SPON1: variants seen among roughly 807,000 people sequenced by gnomAD.
SPON1 encodes spondin 1.
Under a neutral mutation model 111.7 loss-of-function variants are expected in SPON1, and 52 were observed. The ratio of observed to expected loss-of-function variants is 0.47; its 90% confidence interval spans 0.37 to 0.59. The LOEUF is 0.59. Ranked by LOEUF, SPON1 falls within the 20% of genes least tolerant of loss-of-function variation. SPON1 has a pLI of 0.00. For synonymous variants in SPON1, 410 were observed against 395.8 expected (o/e 1.04, Z -0.43); for missense variants, 957 against 1,068.5 (o/e 0.90, Z 1.46).
In SPON1 at chr11:14,132,787, T is replaced by C. The variant is rs374036929; in HGVS notation, c.677-2633T>C. On this transcript the variant is annotated intron_variant, in intron 5 of 15. Transcript: ENST00000576479. ...TCTTATACTGAATTAAAGGCAAGTT[T>C]CATGTTTTACTCAGTTTTGTAGCCT... Among the ~76,000 whole-genome samples the C allele has an allele frequency of 7.2e-5, 11 of 152,372 alleles. No individual in the cohort carries two copies. The South Asian group carries it at 8.3e-4, about 11-fold the overall frequency.
intron 6 of SPON1, among the ~76,000 whole-genome samples, chr11:14,190,875 A>G (rs923121253): frequency 6.6e-6 from 1 of 151,838 alleles, no homozygotes; most frequent in African/African-American, 2.4e-5. Context: ...TCCTGACCTC[A>G]TGATCTACCC....
chr11:14,090,166 G>A (rs553651013), intron 5 of SPON1, among the ~76,000 whole-genome samples: 1 of 139,274 alleles, frequency 7.2e-6, no homozygotes, highest in East Asian at 2.2e-4. Context: ...GAACAGTTCT[G>A]TCTTGCTGGA....
chr11:14,170,268 G>T (rs1218962179), intron 6 of SPON1, among the ~76,000 whole-genome samples: 31 of 152,110 alleles, frequency 2.0e-4, no homozygotes, highest in Non-Finnish European at 3.1e-4. Flanking sequence ...TTGTGAATGG[G>T]AGTTCACTCA....
At chr11:14,091,703 AC>A (rs1397018459) in intron 5 of SPON1, among the ~76,000 whole-genome samples, 2 of 151,750 alleles carry the variant, frequency 1.3e-5, no homozygotes, top group African/African-American at 4.8e-5. Flanking sequence ...TCTCGCTCGC[AC>A]CTTTCCCTCC....
At chr11:13,991,473 A>G (rs80240847) in intron 2 of SPON1, among the ~76,000 whole-genome samples, 1 of 152,122 alleles carries the variant, frequency 6.6e-6, no homozygotes, top group Non-Finnish European at 1.5e-5. Flanking sequence ...TCAGCAATTC[A>G]TCTAACCTTT....
intron 2 of SPON1, among the ~76,000 whole-genome samples, chr11:14,031,199 G>A (rs782256406): frequency 1.3e-5 from 2 of 152,140 alleles, no homozygotes; most frequent in Admixed American, 6.5e-5. Flanking sequence ...AGGGGCTACC[G>A]GAGCAGGAAG....
At chr11:14,084,924 TTTG>T (rs2133834802) in intron 5 of SPON1, among the ~76,000 whole-genome samples, 1 of 152,340 alleles carries the variant, frequency 6.6e-6, no homozygotes, top group African/African-American at 2.4e-5. Flanking sequence ...TTTTCATATG[TTTG>T]TTGGCCACAT....
At chr11:14,030,715 G>C (rs567249866) in intron 2 of SPON1, among the ~76,000 whole-genome samples, 1 of 152,218 alleles carries the variant, frequency 6.6e-6, no homozygotes, top group Non-Finnish European at 1.5e-5. Context: ...ACAGATGCTA[G>C]CAAGGCTGCG....
chr11:14,260,372 G>C lies in SPON1; in HGVS notation c.1832-216G>C, dbSNP rs1267573651. Among the ~76,000 whole-genome samples, 7 of 152,090 alleles carry C rather than the reference G, an allele frequency of 4.6e-5. 1 individual carries two copies. Among genetic ancestry groups the C allele is most frequent in the Non-Finnish European group, 7.4e-5 (5 of 68,026 alleles). ...CCCTCATGTCATAACCATCGGGGGG[G>C]GTCAGCAGGGAGATGAAAGAGAGTG... On this transcript the variant is annotated intron_variant, in intron 13 of 15. Transcript: ENST00000576479.
chr11:14,041,749 A>G, intron 3 of SPON1, 95 bp downstream of exon 3: 2 of 1,427,408 alleles, frequency 1.4e-6, no homozygotes, highest in South Asian at 1.3e-5. Context: ...AGCATCAGAA[A>G]GTTGCATCAT....
intron 5 of SPON1, among the ~76,000 whole-genome samples, chr11:14,081,736 G>T (rs1459890094): frequency 6.6e-6 from 1 of 152,112 alleles, no homozygotes; most frequent in African/African-American, 2.4e-5. Flanking sequence ...ATTTGGCTCA[G>T]GTCCCAAAGG....
intron 3 of SPON1, among the ~76,000 whole-genome samples, chr11:14,044,388 G>T (rs782251787): frequency 6.6e-6 from 1 of 152,182 alleles, no homozygotes; most frequent in African/African-American, 2.4e-5. Context: ...GAGGCAAGCA[G>T]ATCACTTGAG....
intron 2 of SPON1, among the ~76,000 whole-genome samples, chr11:14,006,260 A>T (rs1330325033): frequency 6.6e-6 from 1 of 152,154 alleles, no homozygotes; most frequent in African/African-American, 2.4e-5. Flanking sequence ...TATGGGCTTT[A>T]TCCTTTTAGT....
At chr11:14,197,959 G>A (rs375534299) in intron 6 of SPON1, among the ~76,000 whole-genome samples, 1 of 152,100 alleles carries the variant, frequency 6.6e-6, no homozygotes, top group East Asian at 1.9e-4. Flanking sequence ...CCTTTTCATT[G>A]GATTTAATTT....
chr11:14,196,717 C>T (rs1227435493), intron 6 of SPON1, among the ~76,000 whole-genome samples: 1 of 152,128 alleles, frequency 6.6e-6, no homozygotes, highest in Non-Finnish European at 1.5e-5. Context: ...TAAACACTAA[C>T]CTGCCTCTTC....
intron 1 of SPON1, among the ~76,000 whole-genome samples, chr11:13,964,146 G>T (rs1847997549): frequency 6.6e-6 from 1 of 152,222 alleles, no homozygotes; most frequent in Non-Finnish European, 1.5e-5. Context: ...CATCTCCCCA[G>T]ACATCGTTTC....
intron 5 of SPON1, among the ~76,000 whole-genome samples, chr11:14,125,867 G>A (rs1554926950): frequency 2.6e-5 from 4 of 152,168 alleles, no homozygotes; most frequent in East Asian, 1.9e-4. Context: ...GAGTCCTAGG[G>A]GAACCAATGG....
rs374933906 is a variant in SPON1 at position 14,167,628 on chromosome 11, TTA to T, written c.825+32064_825+32065del. On this transcript the variant is annotated intron_variant, in intron 6 of 15. Coordinates refer to ENST00000576479, the MANE Select transcript of SPON1 (RefSeq NM_006108.4). ...TAAAGCTAGTTATTTAAATAAAATTTTATATTTCTATCCAGTTTTAATTAATT... is the reference window on the plus strand; with the variant it reads ...TAAAGCTAGTTATTTAAATAAAATTTTATTTCTATCCAGTTTTAATTAATT... Among the ~76,000 whole-genome samples the T allele has an allele frequency of 2.5e-4, 38 of 152,278 alleles. No homozygotes were observed. The South Asian group carries it at 4.3e-3, about 17-fold the overall frequency.
At chr11:14,004,154 G>GACAC (rs150297092) in intron 2 of SPON1, among the ~76,000 whole-genome samples, 2 of 151,056 alleles carry the variant, frequency 1.3e-5, no homozygotes, top group African/African-American at 2.4e-5. Flanking sequence ...TACACACACA[G>GACAC]ACACACACAC....
Sources: gnomAD v4.1 joint callset for allele counts (sites outside exome capture counted in the v4.1 genomes callset) on GRCh38, gnomAD v4.1.1 for gene constraint, MANE v1.5 for transcripts, NCBI Gene and HGNC (gene_info 2026-07-23, HGNC 2026-07-21) for gene names.